IFT140: variants seen among roughly 807,000 people sequenced by gnomAD.
IFT140 encodes intraflagellar transport protein 140 homolog.
IFT140 carries 133 observed loss-of-function variants against 164.6 expected under a neutral mutation model. The ratio of observed to expected loss-of-function variants is 0.81; its 90% CI spans 0.70 to 0.93. IFT140 has a LOEUF of 0.93. IFT140 is among the 40% of genes least tolerant of loss of function. The pLI is 0.00. For synonymous variants in IFT140, 860 were observed against 817.3 expected (o/e 1.05, Z -0.89); for missense variants, 2,045 against 1,972.3 (o/e 1.04, Z -0.70).
intron 15 of IFT140, among the ~76,000 whole-genome samples, chr16:1,567,131 G>A (rs1353290667): frequency 6.6e-6 from 1 of 152,098 alleles, no homozygotes; most frequent in Admixed American, 6.6e-5. Context: ...CTGCAGCCCT[G>A]TCCTGCCCTA....
chr16:1,513,112 G>A (rs1166215833), intron 30 of IFT140: 1 of 152,246 alleles, frequency 6.6e-6, no homozygotes, highest in Non-Finnish European at 1.5e-5. Context: ...GGTGGGTGCA[G>A]AGGCCCTGCA....
chr16:1,546,766 C>G (rs1400641820), intron 19 of IFT140, among the ~76,000 whole-genome samples: 1 of 152,224 alleles, frequency 6.6e-6, no homozygotes, highest in South Asian at 2.1e-4. Context: ...CTGTCCTGAG[C>G]CCGGCCTGAA....
At chr16:1,568,944 AT>A (rs1307809506) in intron 14 of IFT140, among the ~76,000 whole-genome samples, 2 of 151,180 alleles carry the variant, frequency 1.3e-5, no homozygotes, top group Non-Finnish European at 2.9e-5. Flanking sequence ...TGCCAGTGAC[AT>A]TTAGCTGTTT....
chr16:1,525,173 G>C, intron 22 of IFT140, 58 bp downstream of exon 22: 3 of 1,392,858 alleles, frequency 2.2e-6, no homozygotes, highest in Non-Finnish European at 3.0e-6. Context: ...AAGCCCTGGG[G>C]TCCCTGCAAA....
chr16:1,556,639 A>G (rs1178090572), intron 19 of IFT140, among the ~76,000 whole-genome samples: 1 of 152,228 alleles, frequency 6.6e-6, no homozygotes, highest in African/African-American at 2.4e-5. Context: ...CTGACTGTCT[A>G]TGACACACTC....
chr16:1,563,861 A>C, intron 17 of IFT140, 136 bp downstream of exon 17: 1 of 822,758 alleles, frequency 1.2e-6, no homozygotes, highest in South Asian at 3.5e-5. Context: ...CCTGGGCTCA[A>C]GCGTTCCCTC....
Position 1,523,827 on chromosome 16 carries a change from C to T in IFT140, c.3270+1G>A. 1.2e-6 allele frequency: 2 copies of T among 1,612,736 alleles called. No individual in the cohort carries two copies. The highest frequency in any genetic ancestry group is 1.3e-5 in the African/African-American group (1 of 75,064). On this transcript the variant is annotated splice_donor_variant, in intron 25 of 30. Coordinates refer to ENST00000426508, the MANE Select transcript of IFT140 (RefSeq NM_014714.4). LOFTEE classifies it high-confidence loss of function. ...GGTCCCCACCGGTGGCCAGCCCTCACCTTGTGGTACAGCATGACCGCCCTG... is the reference window on the plus strand; with the variant it reads ...GGTCCCCACCGGTGGCCAGCCCTCATCTTGTGGTACAGCATGACCGCCCTG...
chr16:1,593,914 C>G (rs1055732740), intron 4 of IFT140, among the ~76,000 whole-genome samples: 1 of 152,190 alleles, frequency 6.6e-6, no homozygotes, highest in Admixed American at 6.5e-5. Flanking sequence ...GAGATACACC[C>G]TACCCTCAGG....
rs926924507 is a variant in IFT140, at chr16:1,534,347, G to A, written c.2400-7551C>T. On this transcript the variant is annotated intron_variant, in intron 19 of 30. Coordinates refer to ENST00000426508, the MANE Select transcript of IFT140 (RefSeq NM_014714.4). ...TCTCACTCATCCTCAACAACGTGGC[G>A]GCCTTCACCTCCAACTGGGTGTGCC... 3.1e-6 allele frequency: 5 copies of A among 1,612,720 alleles called. No homozygotes were observed. In the African/African-American group the frequency reaches 5.3e-5, roughly 17 times the overall value.
At chr16:1,528,396 C>T (rs894614659) in intron 19 of IFT140, among the ~76,000 whole-genome samples, 29 of 150,892 alleles carry the variant, frequency 1.9e-4, no homozygotes, top group Admixed American at 7.9e-4. Flanking sequence ...TGCACACACA[C>T]GGATGCACAC....
intron 19 of IFT140, among the ~76,000 whole-genome samples, chr16:1,539,338 G>A (rs1209996570): frequency 6.8e-6 from 1 of 148,118 alleles, no homozygotes; most frequent in Non-Finnish European, 1.5e-5. Context: ...GCCACATGGT[G>A]CAAATGCCGC....
intron 4 of IFT140, among the ~76,000 whole-genome samples, chr16:1,598,407 G>A (rs571061078): frequency 5.3e-5 from 8 of 152,172 alleles, no homozygotes; most frequent in South Asian, 2.1e-4. Flanking sequence ...GCAGGGAGCC[G>A]AGATGGCGCC....
At chr16:1,602,134 C>T in intron 4 of IFT140, 1 of 551,880 alleles carries the variant, frequency 1.8e-6, no homozygotes, top group East Asian at 3.1e-5. Context: ...GGGCACGTAT[C>T]TTTACGAATG....
In IFT140 at chr16:1,525,894, G is replaced by C. The variant is rs2040676083; in HGVS notation, c.2761C>G (p.Leu921Val). 1 of 1,544,654 alleles carries C rather than the reference G, an allele frequency of 6.5e-7. No homozygotes were observed. The highest frequency in any genetic ancestry group is 8.7e-7 in the Non-Finnish European group (1 of 1,146,310). ...CGCGAGGGCCGCACTCACTAACTGA[G>C]GGCCCGGCTGCAGTCGGCGCTGGCC... ...LEASADCSRA[L>V]SYYEKSDTHR... is the part of the protein sequence containing the mutation. The change falls in exon 21 of 31, where the codon CTC (leucine) becomes GTC (valine). Residue 921 changes from leucine (L) to valine (V), a missense_variant. Leu to Val is a conservative substitution (Grantham distance 32). Transcript: ENST00000426508.
Position 1,551,607 on chromosome 16 carries a change from G to A in IFT140, c.2399+6328C>T, listed in dbSNP as rs911327750. 2.6e-5 allele frequency among the ~76,000 whole-genome samples: 4 copies of A among 152,148 alleles called. No individual in the cohort carries two copies. The highest frequency in any genetic ancestry group is 1.3e-4 in the Admixed American group (2 of 15,282). On this transcript the variant is annotated intron_variant, in intron 19 of 30. Coordinates refer to ENST00000426508, the MANE Select transcript of IFT140 (RefSeq NM_014714.4). This position sits in a 1 kb window ranked among gnomAD's most constrained non-coding sequence, Gnocchi z 4.0. ...ATCAGTATCCCCAGCAAGGTCACCC[G>A]GCACTGCTGCAGACACCTTGAAACG... is the stretch of plus-strand genomic sequence containing the variant.
At chr16:1,547,385 A>G (rs1186475965) in intron 19 of IFT140, among the ~76,000 whole-genome samples, 1 of 152,208 alleles carries the variant, frequency 6.6e-6, no homozygotes, top group Non-Finnish European at 1.5e-5. Flanking sequence ...CGCTGACTTT[A>G]TCAGTCCTTA....
chr16:1,602,672 C>G, intron 3 of IFT140, 81 bp from the exon 4 acceptor site: 2 of 1,305,648 alleles, frequency 1.5e-6, no homozygotes, highest in Non-Finnish European at 2.1e-6. Context: ...CCGGGCACGG[C>G]GGCTCACTCC....
chr16:1,596,469 C>A (rs1359650065), intron 4 of IFT140, among the ~76,000 whole-genome samples: 2 of 150,426 alleles, frequency 1.3e-5, no homozygotes, highest in African/African-American at 4.8e-5. Context: ...AGGCTGCCAC[C>A]TGGAATGTCC....
chr16:1,532,028 T>G (rs1224771621), intron 19 of IFT140: 1 of 152,230 alleles, frequency 6.6e-6, no homozygotes, highest in African/African-American at 2.4e-5. Flanking sequence ...TTGGGAGACT[T>G]CCCTTTCAAG....
Sources: allele counts gnomAD v4.1 joint callset (sites outside exome capture counted in the v4.1 genomes callset), GRCh38; gene constraint gnomAD v4.1.1; non-coding constraint Gnocchi (gnomAD v3.1); transcripts MANE v1.5; gene names NCBI Gene and HGNC (gene_info 2026-07-23, HGNC 2026-07-21).